The following GLI2 variants were observed in gnomAD, a reference collection of about 807,000 sequenced individuals.
GLI2 encodes the protein GLI family zinc finger 2.
A neutral mutation model predicts 78.9 loss-of-function variants in GLI2; 22 were observed. That is an observed-to-expected ratio of 0.28 (90% CI 0.20 to 0.40). The LOEUF is 0.40. Ranked by LOEUF, GLI2 falls within the 10% of genes least tolerant of loss-of-function variation. The probability of loss-of-function intolerance (pLI) is 1.00; values close to 1 mark genes in which losing one functional copy is unlikely to be tolerated. For synonymous variants in GLI2, 974 were observed against 963.7 expected (o/e 1.01, Z -0.20); for missense variants, 2,097 against 2,213.2 (o/e 0.95, Z 1.05).
intron 2 of GLI2, among the ~76,000 whole-genome samples, chr2:120,798,963 C>A (rs900483698): frequency 9.9e-5 from 15 of 152,200 alleles, no homozygotes; most frequent in Non-Finnish European, 1.6e-4. Flanking sequence ...ACCATCCCCC[C>A]ATCCCTCCGC....
rs536613528 is a variant in GLI2, at chr2:120,932,380, C to T, written c.254+4914C>T. Among the ~76,000 whole-genome samples, 6 of 152,284 alleles carry T rather than the reference C, an allele frequency of 3.9e-5. No homozygotes were observed. The South Asian group carries it at 8.3e-4, about 21-fold the overall frequency. ...AGCACCCAGACCCCCTCCCCGTTCC[C>T]TCTCAGGATCCTGATAGCTCCAGGG... On this transcript the variant is annotated intron_variant, in intron 3 of 13. Coordinates refer to ENST00000361492, the MANE Select transcript of GLI2 (RefSeq NM_001374353.1).
chr2:120,791,763 A>G (rs189611383), intron 1 of GLI2, among the ~76,000 whole-genome samples: 152 of 152,156 alleles, frequency 1.0e-3, no homozygotes, highest in Non-Finnish European at 3.7e-4. Flanking sequence ...TGTGTGATGC[A>G]GGTGACCATG....
At chr2:120,946,421 G>T (rs1321357874) in intron 3 of GLI2, among the ~76,000 whole-genome samples, 2 of 152,114 alleles carry the variant, frequency 1.3e-5, no homozygotes, top group Non-Finnish European at 2.9e-5. Flanking sequence ...AGTGTGTGAG[G>T]GTGTGCACAT....
At position 120,967,600 on chromosome 2, in the gene GLI2, G is replaced by A. The variant is rs112077479; in HGVS notation, c.644-1114G>A. ...CCCTTCCACAGTTATGTAGGTGTGC[G>A]ACAGCAGCTGGTGAGGGCTGAGGGC... On this transcript the variant is annotated intron_variant, in intron 5 of 13. Coordinates refer to ENST00000361492, the MANE Select transcript of GLI2 (RefSeq NM_001374353.1). Among the ~76,000 whole-genome samples the A allele has an allele frequency of 6.5e-3, 995 of 152,350 alleles. 10 individuals are homozygous for A. Among genetic ancestry groups the A allele is most frequent in the African/African-American group, 0.021 (863 of 41,574 alleles).
At chr2:120,816,970 A>G (rs1352250564) in intron 2 of GLI2, among the ~76,000 whole-genome samples, 4 of 152,180 alleles carry the variant, frequency 2.6e-5, no homozygotes, top group African/African-American at 9.7e-5. Flanking sequence ...CTTTGAATGG[A>G]TATTTTTTTA....
chr2:120,743,626 G>A (rs1368743344), intron 1 of GLI2, among the ~76,000 whole-genome samples: 1 of 152,170 alleles, frequency 6.6e-6, no homozygotes, highest in Non-Finnish European at 1.5e-5. Context: ...GAGCACAAGA[G>A]TGATGGATGG....
intron 2 of GLI2, among the ~76,000 whole-genome samples, chr2:120,894,637 GC>G (rs563390200): frequency 2.0e-5 from 3 of 146,874 alleles, no homozygotes; most frequent in Non-Finnish European, 4.5e-5. Context: ...ATTTCAAACC[GC>G]CCCCCCATAA....
intron 2 of GLI2, among the ~76,000 whole-genome samples, chr2:120,810,848 G>C (rs75367018): frequency 0.023 from 3,576 of 152,316 alleles, 63 homozygotes; most frequent in Middle Eastern, 0.034. Context: ...GTCTCTTTCT[G>C]TCCGTGATCT....
At chr2:120,982,503 G>T (rs747226917) in intron 10 of GLI2, among the ~76,000 whole-genome samples, 4 of 152,200 alleles carry the variant, frequency 2.6e-5, no homozygotes, top group Non-Finnish European at 5.9e-5. Flanking sequence ...AGCAGTAGCA[G>T]CCCCTGGGCG....
At chr2:120,921,736 T>C (rs1213790215) in intron 2 of GLI2, among the ~76,000 whole-genome samples, 1 of 152,172 alleles carries the variant, frequency 6.6e-6, no homozygotes, top group Non-Finnish European at 1.5e-5. Flanking sequence ...AGCAGGTGAC[T>C]GCCTGCTCAG....
chr2:120,791,588 A>G (rs1437358063), intron 1 of GLI2, among the ~76,000 whole-genome samples: 2 of 152,238 alleles, frequency 1.3e-5, no homozygotes, highest in Admixed American at 1.3e-4. Context: ...GTCTGTGATC[A>G]AGGCAGGGCA....
intron 1 of GLI2, among the ~76,000 whole-genome samples, chr2:120,749,377 T>A (rs13035788): frequency 0.17 from 25,007 of 151,082 alleles, 2,114 homozygotes; most frequent in Middle Eastern, 0.27. Flanking sequence ...AGCTGTATTT[T>A]AAAAAAAAAA....
chr2:120,906,322 C>G (rs1678530472), intron 2 of GLI2, among the ~76,000 whole-genome samples: 1 of 152,182 alleles, frequency 6.6e-6, no homozygotes, highest in African/African-American at 2.4e-5. Flanking sequence ...GGCCCGGAGC[C>G]CAGGGGTGCT....
intron 1 of GLI2, among the ~76,000 whole-genome samples, chr2:120,784,444 C>A (rs1472921773): frequency 1.3e-5 from 2 of 151,560 alleles, no homozygotes; most frequent in African/African-American, 4.9e-5. Context: ...CTGGGGGTTG[C>A]AGGCTTCTAG....
chr2:120,805,194 G>A (rs899739488), intron 2 of GLI2, among the ~76,000 whole-genome samples: 1 of 152,204 alleles, frequency 6.6e-6, no homozygotes, highest in Non-Finnish European at 1.5e-5. Flanking sequence ...ATTTCCCCAA[G>A]CACAACAGGT....
chr2:120,950,000 G>A (rs1680900701), intron 3 of GLI2, among the ~76,000 whole-genome samples: 1 of 152,236 alleles, frequency 6.6e-6, no homozygotes, highest in South Asian at 2.1e-4. Context: ...TGTGAAGATT[G>A]GGAGGGCCTC....
intron 1 of GLI2, among the ~76,000 whole-genome samples, chr2:120,783,709 T>G (rs1683913282): frequency 6.7e-6 from 1 of 150,148 alleles, no homozygotes; most frequent in African/African-American, 2.4e-5. Context: ...AGCACAGAGT[T>G]TTTGGCACCT....
chr2:120,912,708 G>A (rs1678889465), intron 2 of GLI2, among the ~76,000 whole-genome samples: 1 of 152,176 alleles, frequency 6.6e-6, no homozygotes, highest in Admixed American at 6.5e-5. Flanking sequence ...CATGACCCCG[G>A]CATGGGCTTT....
At chr2:120,744,064 G>A (rs532165887) in intron 1 of GLI2, among the ~76,000 whole-genome samples, 3 of 152,340 alleles carry the variant, frequency 2.0e-5, no homozygotes, top group Non-Finnish European at 2.9e-5. Flanking sequence ...GAGAGCGGAA[G>A]CCTGTGATGG....
Sources: allele counts gnomAD v4.1 joint callset (sites outside exome capture counted in the v4.1 genomes callset), GRCh38; gene constraint gnomAD v4.1.1; transcripts MANE v1.5; gene names NCBI Gene and HGNC (gene_info 2026-07-23, HGNC 2026-07-21).